NOX4: variants seen among roughly 807,000 people sequenced by gnomAD.
NOX4 encodes NADPH oxidase 4.
A neutral mutation model predicts 87.6 loss-of-function variants in NOX4; 69 were observed. That is an observed-to-expected ratio of 0.79 (90% CI 0.65 to 0.96). The LOEUF (loss-of-function observed/expected upper bound fraction) is 0.96, where lower values mean the gene tolerates loss of function less well. Ranked by LOEUF, NOX4 falls within the 40% of genes least tolerant of loss-of-function variation. The pLI is 0.00. For synonymous variants in NOX4, 275 were observed against 238.2 expected, an observed-to-expected ratio of 1.15 and a Z score of -1.42; for missense variants, 680 against 681.5, an observed-to-expected ratio of 1.00 and a Z score of 0.02.
intron 12 of NOX4, among the ~76,000 whole-genome samples, chr11:89,362,834 T>C (rs541272356): frequency 6.6e-6 from 1 of 152,136 alleles, no homozygotes; most frequent in South Asian, 2.1e-4. Flanking sequence ...ACACACATGA[T>C]GCTTGAAATA....
intron 8 of NOX4, among the ~76,000 whole-genome samples, chr11:89,408,252 T>C (rs1211839036): frequency 6.6e-6 from 1 of 152,198 alleles, no homozygotes; most frequent in Admixed American, 6.6e-5. Context: ...ATTGATTAAC[T>C]TAGTGACCAG....
At chr11:89,355,501 C>G (rs931586591) in intron 12 of NOX4, among the ~76,000 whole-genome samples, 2 of 150,998 alleles carry the variant, frequency 1.3e-5, no homozygotes, top group Non-Finnish European at 3.0e-5. Context: ...CAAATCTTAT[C>G]ATTGAAAGGT....
At chr11:89,342,943 A>G (rs1946068010) in intron 13 of NOX4, among the ~76,000 whole-genome samples, 1 of 152,150 alleles carries the variant, frequency 6.6e-6, no homozygotes, top group Non-Finnish European at 1.5e-5. Flanking sequence ...AATTTTATTC[A>G]GGGAAGCAAA....
At chr11:89,585,054 G>A in the NOX4 span, among the ~76,000 whole-genome samples, 1 of 152,040 alleles carries the variant, frequency 6.6e-6, no homozygotes. Context: ...ACCATTATTG[G>A]GTGGGCGAAT....
Position 89,449,471 on chromosome 11 carries a change from A to G in NOX4, c.318T>C (p.Ile106=). Residue 106 remains isoleucine (I), a synonymous_variant, in exon 4 of 18, where the codon ATT becomes ATC. Coordinates refer to ENST00000263317, the MANE Select transcript of NOX4 (RefSeq NM_016931.5). ...AAATACAGATAGTAACACCACAGGT[A>G]ATATGGAATGTTCTGCTTTTATCCA... ...RLLDKSRTFH[I]TCGVTICIFS... is the part of the protein sequence containing the mutation. The G allele has an allele frequency of 2.5e-6, 4 of 1,612,102 alleles. No homozygotes were observed. Among genetic ancestry groups the G allele is most frequent in the Non-Finnish European group, 3.4e-6 (4 of 1,178,868 alleles).
intron 6 of NOX4, among the ~76,000 whole-genome samples, chr11:89,439,082 T>C (rs1330420334): frequency 2.1e-5 from 3 of 140,010 alleles, no homozygotes; most frequent in Non-Finnish European, 4.5e-5. Flanking sequence ...ATAATATTAG[T>C]GCCTTAATGT....
In NOX4 at chr11:89,325,849, A is replaced by C. The variant is rs1160356299; in HGVS notation, c.*907T>G. 1 of 150,232 alleles carries C rather than the reference A, an allele frequency of 6.7e-6. No homozygotes were observed. The highest frequency in any genetic ancestry group is 2.4e-5 in the African/African-American group (1 of 41,092). 9.3% of individuals were successfully genotyped at this position (150,232 alleles called of 1,614,324 possible). A position where few individuals can be genotyped will look rare whatever the true frequency, so the allele number is the denominator to read the frequency against. Reference sequence around the variant, plus strand: ...AAAACAATAATAATAATAGAGACAAAAATGCTGAAAAAAGGGAAAAGTTAT... The same window carrying C: ...AAAACAATAATAATAATAGAGACAACAATGCTGAAAAAAGGGAAAAGTTAT... On this transcript the variant is annotated 3_prime_UTR_variant, in exon 18 of 18. Transcript: ENST00000263317.
intron 17 of NOX4, among the ~76,000 whole-genome samples, chr11:89,328,169 G>T (rs533571343): frequency 3.9e-5 from 6 of 152,144 alleles, no homozygotes; most frequent in Non-Finnish European, 7.4e-5. Flanking sequence ...ACAGAAAGAC[G>T]CCTCGGAGAT....
At chr11:89,488,941 G>C (rs755928832) in intron 2 of NOX4, 2 of 692,644 alleles carry the variant, frequency 2.9e-6, no homozygotes, top group South Asian at 3.1e-5. Flanking sequence ...GGGGCGAGGT[G>C]AGGTCTTACT....
chr11:89,332,050 G>T (rs577728012), intron 17 of NOX4, among the ~76,000 whole-genome samples: 33 of 151,882 alleles, frequency 2.2e-4, no homozygotes, highest in African/African-American at 7.7e-4. Flanking sequence ...GTAGATTCGG[G>T]TACTAAGAAA....
chr11:89,330,488 G>T, intron 17 of NOX4, among the ~76,000 whole-genome samples: 1 of 151,936 alleles, frequency 6.6e-6, no homozygotes, highest in Non-Finnish European at 1.5e-5. Context: ...AACACAAATA[G>T]CTAGGTCTCC....
intron 2 of NOX4, among the ~76,000 whole-genome samples, chr11:89,479,259 C>G (rs1258604400): frequency 6.6e-6 from 1 of 152,026 alleles, no homozygotes; most frequent in Non-Finnish European, 1.5e-5. Context: ...AGGAAGCTTA[C>G]AAAGAGAATC....
chr11:89,452,896 T>C (rs1945029617), intron 2 of NOX4, among the ~76,000 whole-genome samples: 1 of 151,954 alleles, frequency 6.6e-6, no homozygotes, highest in African/African-American at 2.4e-5. Flanking sequence ...AATCCACGTT[T>C]AGTCAGGCAT....
intron 8 of NOX4, among the ~76,000 whole-genome samples, chr11:89,416,135 C>A (rs1424097747): frequency 6.6e-6 from 1 of 152,114 alleles, no homozygotes; most frequent in Non-Finnish European, 1.5e-5. Context: ...ATAGCCACTG[C>A]TGAATTATCA....
the NOX4 span, among the ~76,000 whole-genome samples, chr11:89,547,768 G>A: frequency 6.6e-6 from 1 of 152,102 alleles, no homozygotes; most frequent in African/African-American, 2.4e-5. Flanking sequence ...TTTAAGGATA[G>A]GTATTGTTTA....
intron 2 of NOX4, among the ~76,000 whole-genome samples, chr11:89,488,628 T>C (rs1183687507): frequency 6.6e-6 from 1 of 152,222 alleles, no homozygotes; most frequent in Non-Finnish European, 1.5e-5. Flanking sequence ...TTCTAGGTTA[T>C]TGCAATAAAT....
chr11:89,447,298 G>A (rs1209531501), intron 4 of NOX4, among the ~76,000 whole-genome samples: 6 of 151,856 alleles, frequency 4.0e-5, no homozygotes, highest in Admixed American at 3.9e-4. Flanking sequence ...ATACTCTATG[G>A]CTAAAAAATG....
chr11:89,376,862 A>T (rs924628761), intron 11 of NOX4, among the ~76,000 whole-genome samples: 3 of 152,158 alleles, frequency 2.0e-5, no homozygotes, highest in Non-Finnish European at 4.4e-5. Context: ...AGCCTGGGTG[A>T]CAGAGCGAGA....
chr11:89,449,976 A>T (rs1349422144), intron 3 of NOX4, among the ~76,000 whole-genome samples: 1 of 152,202 alleles, frequency 6.6e-6, no homozygotes, highest in Non-Finnish European at 1.5e-5. Flanking sequence ...TCAAAAAATA[A>T]GATTATTTTA....
Sources: allele counts gnomAD v4.1 joint callset (sites outside exome capture counted in the v4.1 genomes callset), GRCh38; gene constraint gnomAD v4.1.1; transcripts MANE v1.5; gene names NCBI Gene and HGNC (gene_info 2026-07-23, HGNC 2026-07-21).